VOPP1: variants seen among roughly 807,000 people sequenced by gnomAD.
VOPP1 encodes VOPP1 WW domain binding protein.
In VOPP1, 8 loss-of-function variants were observed where a neutral mutation model predicts 23.5. The observed-to-expected ratio is 0.34, with a 90% CI of 0.20 to 0.61. The LOEUF (loss-of-function observed/expected upper bound fraction) is 0.61. VOPP1 is among the 20% of genes least tolerant of loss of function. The pLI is 0.78. For missense variants in VOPP1, 174 were observed against 238.1 expected (o/e 0.73, Z 1.77); for synonymous variants, 83 against 97.3 (o/e 0.85, Z 0.86).
intron 2 of VOPP1, among the ~76,000 whole-genome samples, chr7:55,516,247 A>G (rs1223399422): frequency 6.6e-6 from 1 of 152,242 alleles, no homozygotes; most frequent in Non-Finnish European, 1.5e-5. Flanking sequence ...AAGAAACATT[A>G]CTGGAGGGAA....
intron 4 of VOPP1, among the ~76,000 whole-genome samples, chr7:55,459,713 A>G (rs1459865881): frequency 3.3e-5 from 5 of 151,994 alleles, no homozygotes; most frequent in Admixed American, 6.6e-5. Flanking sequence ...ATCAGTTATA[A>G]TATCTTCTTT....
intron 1 of VOPP1, among the ~76,000 whole-genome samples, chr7:55,525,286 G>A (rs1272739735): frequency 4.6e-5 from 7 of 152,004 alleles, no homozygotes; most frequent in African/African-American, 1.7e-4. Context: ...TCAGGAGATC[G>A]AGACTATCCT....
intron 2 of VOPP1, among the ~76,000 whole-genome samples, chr7:55,501,682 A>T (rs1174807306): frequency 6.6e-6 from 1 of 152,094 alleles, no homozygotes; most frequent in East Asian, 1.9e-4. Flanking sequence ...TACCCTCTCA[A>T]ATTGGACACT....
intron 4 of VOPP1, among the ~76,000 whole-genome samples, chr7:55,484,845 G>A (rs1793011793): frequency 6.6e-6 from 1 of 152,148 alleles, no homozygotes; most frequent in Non-Finnish European, 1.5e-5. Flanking sequence ...ACTGGGGGAA[G>A]ACACGTTCTT....
At chr7:55,555,016 T>C (rs917303810) in intron 1 of VOPP1, among the ~76,000 whole-genome samples, 2 of 152,094 alleles carry the variant, frequency 1.3e-5, no homozygotes, top group African/African-American at 4.8e-5. Context: ...GAAAATCAGG[T>C]GAAAGGTGCT....
At chr7:55,516,905 C>CACATATATAT (rs1434400774) in intron 2 of VOPP1, among the ~76,000 whole-genome samples, 1 of 43,158 alleles carries the variant, frequency 2.3e-5, no homozygotes, top group Admixed American at 4.3e-4. Flanking sequence ...AGATCCATTA[C>CACATATATAT]ATATATATAT....
At chr7:55,455,361 G>GA (rs1188518743) in intron 4 of VOPP1, among the ~76,000 whole-genome samples, 1 of 152,158 alleles carries the variant, frequency 6.6e-6, no homozygotes, top group Non-Finnish European at 1.5e-5. Flanking sequence ...TAAATATTGT[G>GA]AAAATCCATA....
intron 1 of VOPP1, among the ~76,000 whole-genome samples, chr7:55,525,843 GA>G (rs1468313159): frequency 1.5e-5 from 2 of 136,616 alleles, no homozygotes; most frequent in African/African-American, 2.7e-5. Context: ...AACTAAGGGG[GA>G]AAAAAGTGAA....
intron 4 of VOPP1, among the ~76,000 whole-genome samples, chr7:55,483,762 T>G (rs1792917760): frequency 6.6e-6 from 1 of 152,130 alleles, no homozygotes; most frequent in Non-Finnish European, 1.5e-5. Context: ...TGGTCCTTTT[T>G]TCTTTTTTCT....
intron 2 of VOPP1, among the ~76,000 whole-genome samples, chr7:55,511,925 C>T (rs939868762): frequency 1.3e-5 from 2 of 152,186 alleles, no homozygotes; most frequent in African/African-American, 4.8e-5. Context: ...AATTAACTGA[C>T]ACCCGTCTCA....
intron 4 of VOPP1, among the ~76,000 whole-genome samples, chr7:55,455,118 T>C (rs1791334322): frequency 6.6e-6 from 1 of 152,180 alleles, no homozygotes; most frequent in African/African-American, 2.4e-5. Flanking sequence ...AGTCTCAGGA[T>C]ACAAAATCAA....
intron 1 of VOPP1, among the ~76,000 whole-genome samples, chr7:55,552,021 CAAAAAAAAAAAA>C (rs202229227): frequency 5.7e-4 from 32 of 55,806 alleles, no homozygotes; most frequent in Non-Finnish European, 8.1e-4. Flanking sequence ...AGACTGTGTC[CAAAAAAAAAAAA>C]AAAAAAAAAA....
chr7:55,440,253 C>T (rs990953755), intron 4 of VOPP1, among the ~76,000 whole-genome samples: 9 of 152,126 alleles, frequency 5.9e-5, no homozygotes, highest in African/African-American at 1.9e-4. Context: ...AAATGCTGGC[C>T]GGGGTGGCTC....
chr7:55,464,912 G>A (rs1791595947), intron 4 of VOPP1, among the ~76,000 whole-genome samples: 1 of 152,216 alleles, frequency 6.6e-6, no homozygotes, highest in Non-Finnish European at 1.5e-5. Flanking sequence ...GGGCCCACAA[G>A]GGCTGAGGGG....
chr7:55,537,133 A>G (rs111256698), intron 1 of VOPP1, among the ~76,000 whole-genome samples: 127 of 152,264 alleles, frequency 8.3e-4, no homozygotes, highest in South Asian at 8.3e-4. Flanking sequence ...CTGACCCTGG[A>G]CTGTGCCTGC....
chr7:55,572,030 G>A (rs1366667749), intron 1 of VOPP1, among the ~76,000 whole-genome samples: 1 of 152,156 alleles, frequency 6.6e-6, no homozygotes. Flanking sequence ...CTCACCCGCA[G>A]GGTGGGGGCG....
intron 1 of VOPP1, among the ~76,000 whole-genome samples, chr7:55,522,164 G>A (rs932681640): frequency 2.0e-5 from 3 of 152,182 alleles, no homozygotes; most frequent in Non-Finnish European, 4.4e-5. Flanking sequence ...GCCCCAGCAG[G>A]TGTACAGCAA....
intron 1 of VOPP1, among the ~76,000 whole-genome samples, chr7:55,530,054 T>A (rs1199494401): frequency 6.6e-5 from 10 of 152,202 alleles, no homozygotes; most frequent in Non-Finnish European, 1.5e-4. Context: ...GATATCTTAA[T>A]TTCTTGGGTA....
At chr7:55,536,251 G>A (rs577311729) in intron 1 of VOPP1, among the ~76,000 whole-genome samples, 18 of 152,350 alleles carry the variant, frequency 1.2e-4, no homozygotes, top group African/African-American at 2.2e-4. Flanking sequence ...AAGCAAGGCC[G>A]GGCGTGGTGG....
Sources: gnomAD v4.1 joint callset for allele counts (sites outside exome capture counted in the v4.1 genomes callset) on GRCh38, gnomAD v4.1.1 for gene constraint, MANE v1.5 for transcripts, NCBI Gene and HGNC (gene_info 2026-07-23, HGNC 2026-07-21) for gene names.